The following PTK7 variants were observed in gnomAD, a reference collection of about 807,000 sequenced individuals.
PTK7 encodes the protein inactive tyrosine-protein kinase 7.
Under a neutral mutation model 116.6 loss-of-function variants are expected in PTK7, and 39 were observed. The observed-to-expected ratio is 0.33, with a 90% CI of 0.26 to 0.44. The LOEUF (loss-of-function observed/expected upper bound fraction) is 0.44. Among genes scored for constraint, PTK7 ranks in the 20% least tolerant of loss-of-function variants. The pLI is 1.00. For missense variants in PTK7, 1,169 were observed against 1,425.6 expected, an observed-to-expected ratio of 0.82 and a Z score of 2.90; for synonymous variants, 546 against 563.6, an observed-to-expected ratio of 0.97 and a Z score of 0.44.
At chr6:43,090,985 C>T (rs917732721) in intron 1 of PTK7, among the ~76,000 whole-genome samples, 2 of 152,100 alleles carry the variant, frequency 1.3e-5, no homozygotes, top group Non-Finnish European at 2.9e-5. Flanking sequence ...TTATTTGCCT[C>T]TGATGGGTCA....
chr6:43,076,648 GT>G lies in PTK7; in HGVS notation c.79+84del. ...CAAAAGGCTGCGCCCGGGGCGGTGG[GT>G]TTGGGCGGCTGGAACGGCCCTGGAG... On this transcript the variant is annotated intron_variant, in intron 1 of 19. Transcript: ENST00000230419. The surrounding 1 kb of genome is among the most constrained non-coding windows in gnomAD (Gnocchi z 5.7). 2 of 1,473,886 alleles carry G rather than the reference GT, an allele frequency of 1.4e-6. No homozygotes were observed. The highest frequency in any genetic ancestry group is 2.9e-5 in the African/African-American group (2 of 68,934). 91.3% of individuals were successfully genotyped at this position (1,473,886 alleles called of 1,614,324 possible). A position where few individuals can be genotyped will look rare whatever the true frequency, so the allele number is the denominator to read the frequency against.
chr6:43,080,268 C>T (rs1334587409), intron 1 of PTK7, among the ~76,000 whole-genome samples: 2 of 151,886 alleles, frequency 1.3e-5, no homozygotes, highest in Admixed American at 6.6e-5. Flanking sequence ...AGGAGAATGG[C>T]GTGAACCCGG....
At chr6:43,094,968 C>T (rs1220674216) in intron 1 of PTK7, among the ~76,000 whole-genome samples, 7 of 151,190 alleles carry the variant, frequency 4.6e-5, no homozygotes, top group Non-Finnish European at 8.8e-5. Flanking sequence ...TTGCTTGAAC[C>T]GGGAGGCGGA....
intron 1 of PTK7, among the ~76,000 whole-genome samples, chr6:43,120,538 A>T (rs1768897160): frequency 6.6e-6 from 1 of 152,212 alleles, no homozygotes; most frequent in Non-Finnish European, 1.5e-5. Flanking sequence ...CTCAGACCCC[A>T]CACACCTGCT....
chr6:43,132,477 C>T lies in PTK7; in HGVS notation c.1018C>T (p.Arg340Cys), dbSNP rs746940494. The change falls in exon 7 of 20, where the codon CGT (arginine) becomes TGT (cysteine). Residue 340 changes from arginine (R) to cysteine (C), a missense_variant. Arg to Cys is a radical substitution (Grantham distance 180). This residue lies in a region of PTK7 where 487 missense variants were observed against 549.8 expected (regional missense o/e 0.89). Coordinates refer to ENST00000230419, the MANE Select transcript of PTK7 (RefSeq NM_002821.5). Reference sequence around the variant, plus strand: ...GGTGTTTACAGCTGGCAGCGAGGAGCGTGTGACCTGCCTTCCCCCCAAGGG... The same window carrying T: ...GGTGTTTACAGCTGGCAGCGAGGAGTGTGTGACCTGCCTTCCCCCCAAGGG... Reference protein sequence around the residue: ...PRVFTAGSEERVTCLPPKGLP... With the variant: ...PRVFTAGSEECVTCLPPKGLP... 4 of 1,601,016 alleles carry T rather than the reference C, an allele frequency of 2.5e-6. No individual in the cohort carries two copies. Among genetic ancestry groups the T allele is most frequent in the East Asian group, 4.5e-5 (2 of 44,476 alleles).
chr6:43,081,110 AC>A (rs1414568456), intron 1 of PTK7, among the ~76,000 whole-genome samples: 1 of 151,946 alleles, frequency 6.6e-6, no homozygotes, highest in African/African-American at 2.4e-5. Flanking sequence ...ATCTCCTAAC[AC>A]ATATCTGGTT....
At chr6:43,112,838 T>C (rs139207624) in intron 1 of PTK7, among the ~76,000 whole-genome samples, 185 of 151,964 alleles carry the variant, frequency 1.2e-3, no homozygotes, top group African/African-American at 4.2e-3. Context: ...AGCCTTTTTT[T>C]CTTTTTAAGA....
Position 43,076,857 on chromosome 6 carries a change from C to T in PTK7, c.79+290C>T. The T allele has an allele frequency of 6.8e-7, 1 of 1,466,790 alleles. No individual in the cohort carries two copies. Among genetic ancestry groups the T allele is most frequent in the East Asian group, 2.6e-5 (1 of 38,064 alleles). 90.9% of individuals were successfully genotyped at this position (1,466,790 alleles called of 1,614,324 possible). A position where few individuals can be genotyped will look rare whatever the true frequency, so the allele number is the denominator to read the frequency against. On this transcript the variant is annotated intron_variant, in intron 1 of 19. Coordinates refer to ENST00000230419, the MANE Select transcript of PTK7 (RefSeq NM_002821.5). The surrounding 1 kb of genome is among the most constrained non-coding windows in gnomAD (Gnocchi z 5.7). ...GAGCCGAGAGTTTGCTCGAGAACTGCCGAGAGTTGCTGGCTCTCGGGCCCA... is the reference window on the plus strand; with the variant it reads ...GAGCCGAGAGTTTGCTCGAGAACTGTCGAGAGTTGCTGGCTCTCGGGCCCA...
chr6:43,101,783 T>C (rs560027542), intron 1 of PTK7, among the ~76,000 whole-genome samples: 1 of 152,262 alleles, frequency 6.6e-6, no homozygotes, highest in East Asian at 1.9e-4. Flanking sequence ...AAAAGTCTAA[T>C]ATAGAATACT....
chr6:43,079,526 C>T (rs1426839179), intron 1 of PTK7, among the ~76,000 whole-genome samples: 1 of 151,852 alleles, frequency 6.6e-6, no homozygotes, highest in African/African-American at 2.4e-5. Flanking sequence ...TCCAAGGGTG[C>T]TCAAGTCTCT....
In PTK7 at chr6:43,078,550, C is replaced by T. The variant is rs556606077; in HGVS notation, c.79+1983C>T. ...CAGGGGCAACGGTTTTTTAATAGAT[C>T]ACAGTAGATGTTTGCATCTCATTGT... On this transcript the variant is annotated intron_variant, in intron 1 of 19. Coordinates refer to ENST00000230419, the MANE Select transcript of PTK7 (RefSeq NM_002821.5). Among the ~76,000 whole-genome samples the T allele has an allele frequency of 3.1e-3, 467 of 152,220 alleles. 1 individual carries two copies. Among genetic ancestry groups the T allele is most frequent in the Admixed American group, 0.011 (168 of 15,300 alleles).
chr6:43,151,834 GC>G (rs563431751), intron 17 of PTK7, among the ~76,000 whole-genome samples: 5 of 48,492 alleles, frequency 1.0e-4, no homozygotes, highest in Non-Finnish European at 2.0e-4. Context: ...ACCGCGCCCA[GC>G]CCCCCCGCCC....
rs1770702443 is a variant in PTK7, at chr6:43,145,957, GTCCTCAAACTGCTGCTTCTCAAA to G, written c.2640+529_2640+551del. The stretch of plus-strand genomic sequence containing the variant: ...AGCTGGTCCTTGCCCTCACCCCATG[GTCCTCAAACTGCTGCTTCTCAAA>G]TCCCTAGTTCTGGGGCAAGAGCGGG... On this transcript the variant is annotated intron_variant, in intron 16 of 19. Coordinates refer to ENST00000230419, the MANE Select transcript of PTK7 (RefSeq NM_002821.5). The surrounding 1 kb of genome is among the most constrained non-coding windows in gnomAD (Gnocchi z 4.8). 6.9e-6 allele frequency: 1 copy of G among 144,936 alleles called. No individual in the cohort carries two copies. Among genetic ancestry groups the G allele is most frequent in the South Asian group, 2.2e-4 (1 of 4,634 alleles). 9.0% of individuals were successfully genotyped at this position (144,936 alleles called of 1,614,324 possible). A position where few individuals can be genotyped will look rare whatever the true frequency, so the allele number is the denominator to read the frequency against.
chr6:43,076,457 C>A lies in PTK7; in HGVS notation c.-32C>A. 1 of 1,519,148 alleles carries A rather than the reference C, an allele frequency of 6.6e-7. No homozygotes were observed. The highest frequency in any genetic ancestry group is 8.8e-7 in the Non-Finnish European group (1 of 1,140,786). 94.1% of individuals were successfully genotyped at this position (1,519,148 alleles called of 1,614,324 possible). A position where few individuals can be genotyped will look rare whatever the true frequency, so the allele number is the denominator to read the frequency against. On this transcript the variant is annotated 5_prime_UTR_variant, in exon 1 of 20. Coordinates refer to ENST00000230419, the MANE Select transcript of PTK7 (RefSeq NM_002821.5). This position sits in a 1 kb window ranked among gnomAD's most constrained non-coding sequence, Gnocchi z 5.7. ...GAGCGCAGTCTGCGCGCCCGCCGTG[C>A]GCCCTCAGCTCCTTTTCCTGAGCCC...
chr6:43,136,960 C>T (rs1770078778), intron 7 of PTK7, among the ~76,000 whole-genome samples: 1 of 152,142 alleles, frequency 6.6e-6, no homozygotes, highest in Non-Finnish European at 1.5e-5. Context: ...GCCATAGTGG[C>T]GTGACTGCAC....
intron 18 of PTK7, among the ~76,000 whole-genome samples, chr6:43,159,344 T>TAG (rs143694799): frequency 0.039 from 5,979 of 152,300 alleles, 146 homozygotes; most frequent in Middle Eastern, 0.058. Context: ...GAGCTTGCTC[T>TAG]AGACAGCCTA....
intron 17 of PTK7, among the ~76,000 whole-genome samples, chr6:43,157,648 A>G (rs1306346292): frequency 6.6e-6 from 1 of 152,004 alleles, no homozygotes; most frequent in Non-Finnish European, 1.5e-5. Context: ...TGGGAAGCTA[A>G]GGCAGGAGGA....
intron 1 of PTK7, among the ~76,000 whole-genome samples, chr6:43,120,469 C>G (rs1253129792): frequency 6.6e-6 from 1 of 152,198 alleles, no homozygotes; most frequent in African/African-American, 2.4e-5. Flanking sequence ...GGGGCTGCGC[C>G]GAGGAACAGA....
At chr6:43,091,222 G>A (rs968456296) in intron 1 of PTK7, among the ~76,000 whole-genome samples, 9 of 148,406 alleles carry the variant, frequency 6.1e-5, no homozygotes, top group African/African-American at 2.0e-4. Flanking sequence ...GTACAGTGAC[G>A]TGATCTTGGC....
Sources: allele counts gnomAD v4.1 joint callset (sites outside exome capture counted in the v4.1 genomes callset), GRCh38; gene constraint gnomAD v4.1.1; regional missense constraint gnomAD v4.1.1; non-coding constraint Gnocchi (gnomAD v3.1); transcripts MANE v1.5; gene names NCBI Gene and HGNC (gene_info 2026-07-23, HGNC 2026-07-21).